PHYH: variants seen among roughly 807,000 people sequenced by gnomAD.
PHYH encodes phytanoyl-CoA dioxygenase, peroxisomal.
Under a neutral mutation model 38.5 loss-of-function variants are expected in PHYH, and 32 were observed. The observed-to-expected ratio is 0.83, with a 90% CI of 0.63 to 1.12. The LOEUF is 1.12. Ranked by LOEUF, PHYH falls within the 50% of genes most tolerant of loss-of-function variation. The pLI, the probability that PHYH is intolerant of heterozygous loss-of-function variation, is 0.00. For synonymous variants in PHYH, 166 were observed against 157.9 expected (o/e 1.05, Z -0.38); for missense variants, 426 against 434.8 (o/e 0.98, Z 0.18).
intron 8 of PHYH, 60 bp from the exon 9 acceptor site, chr10:13,278,414 C>G (rs1835340366): frequency 1.9e-6 from 2 of 1,067,628 alleles, no homozygotes; most frequent in Non-Finnish European, 2.9e-6. Flanking sequence ...CTCCATTAAC[C>G]TTCAATTTCA....
rs541744405 is a variant in PHYH, at chr10:13,288,411, G to C, written c.627C>G (p.Leu209=). 1 of 1,614,114 alleles carries C rather than the reference G, an allele frequency of 6.2e-7. No individual in the cohort carries two copies. The highest frequency in any genetic ancestry group is 1.1e-5 in the South Asian group (1 of 91,072). ...TCAGGGAGCCCTTGTGTGTGCCTGG[G>C]AGCACAACCAGACAGCCGTTGTTCC... ...ISRNNGCLVV[L]PGTHKGSLKP... is the part of the protein sequence containing the mutation. The change falls in exon 6 of 9, where the codon CTC becomes CTG. Residue 209 remains leucine, a synonymous_variant. Coordinates refer to ENST00000263038, the MANE Select transcript of PHYH (RefSeq NM_006214.4).
chr10:13,282,892 C>T (rs1835448050), intron 7 of PHYH, among the ~76,000 whole-genome samples: 1 of 151,952 alleles, frequency 6.6e-6, no homozygotes, highest in Non-Finnish European at 1.5e-5. Flanking sequence ...CCAACTTGTC[C>T]CACCCTAATC....
At chr10:13,299,651 C>T in intron 1 of PHYH, 1 of 1,177,872 alleles carries the variant, frequency 8.5e-7, no homozygotes, top group Non-Finnish European at 1.1e-6. Flanking sequence ...TGGACAGCTG[C>T]CGGGGTCACG....
In PHYH at chr10:13,294,580, T is replaced by C; in HGVS notation, c.262A>G (p.Ile88Val). 1.9e-6 allele frequency: 3 copies of C among 1,613,992 alleles called. No individual in the cohort carries two copies. Among genetic ancestry groups the C allele is most frequent in the Non-Finnish European group, 2.5e-6 (3 of 1,179,924 alleles). The change falls in exon 4 of 9, where the codon ATC becomes GTC. Residue 88 changes from isoleucine (I) to valine (V), a missense_variant. Ile to Val is a conservative substitution (Grantham distance 29). Coordinates refer to ENST00000263038, the MANE Select transcript of PHYH (RefSeq NM_006214.4). The stretch of plus-strand genomic sequence containing the variant: ...AATGGTTTCACCTCCTTTCTGCAGA[T>C]TTTTTCAAACTCATTCCTAGAAAAT... Reference protein sequence around the residue: ...IQRFRNEFEKICRKEVKPLGL... With the variant: ...IQRFRNEFEKVCRKEVKPLGL...
At chr10:13,285,132 T>A (rs148568524) in intron 6 of PHYH, among the ~76,000 whole-genome samples, 1 of 152,320 alleles carries the variant, frequency 6.6e-6, no homozygotes, top group East Asian at 1.9e-4. Flanking sequence ...CACTCACATA[T>A]TTTCATTTGA....
intron 2 of PHYH, among the ~76,000 whole-genome samples, chr10:13,296,885 C>G (rs1161953889): frequency 6.7e-6 from 1 of 149,012 alleles, no homozygotes; most frequent in African/African-American, 2.5e-5. Context: ...ACCCGGGAGG[C>G]GGAGCTTGCA....
intron 1 of PHYH, chr10:13,299,695 G>T: frequency 3.1e-6 from 4 of 1,271,730 alleles, no homozygotes; most frequent in Non-Finnish European, 4.0e-6. Flanking sequence ...CACAAAGAGA[G>T]GAGCAGAGGC....
At chr10:13,279,949 C>A (rs1234743648) in intron 8 of PHYH, among the ~76,000 whole-genome samples, 1 of 152,310 alleles carries the variant, frequency 6.6e-6, no homozygotes, top group East Asian at 1.9e-4. Context: ...TTTCCAGGTT[C>A]TAAAGGGAGA....
intron 5 of PHYH, chr10:13,291,366 TACC>T (rs1178001181): frequency 5.7e-6 from 1 of 176,968 alleles, no homozygotes; most frequent in Admixed American, 5.5e-5. Context: ...CTGAAATAAT[TACC>T]ACATTTCACT....
intron 6 of PHYH, among the ~76,000 whole-genome samples, chr10:13,287,079 G>A (rs1010113878): frequency 1.3e-5 from 2 of 152,130 alleles, no homozygotes; most frequent in Non-Finnish European, 2.9e-5. Flanking sequence ...GGTGGCTCAC[G>A]CCTGTAATCC....
intron 7 of PHYH, among the ~76,000 whole-genome samples, chr10:13,282,184 C>T (rs1312656894): frequency 2.6e-5 from 4 of 152,180 alleles, no homozygotes; most frequent in East Asian, 1.9e-4. Context: ...CTCAGTGTTC[C>T]AAGATGCAGT....
Position 13,298,185 on chromosome 10 carries a change from A to G in PHYH, c.134+2T>C. 1.9e-6 allele frequency: 3 copies of G among 1,583,696 alleles called. No homozygotes were observed. Among genetic ancestry groups the G allele is most frequent in the Non-Finnish European group, 1.7e-6 (2 of 1,152,222 alleles). On this transcript the variant is annotated splice_donor_variant, in intron 2 of 8. Transcript: ENST00000263038. LOFTEE classifies it high-confidence loss of function. The stretch of plus-strand genomic sequence containing the variant: ...TTCAAAATCAAAACTCAAACTACTT[A>G]CTGGAATTGTTGAGGATGGAAACTG...
Position 13,298,236 on chromosome 10 carries a change from G to C in PHYH, c.85C>G (p.Pro29Ala). 6.3e-7 allele frequency: 1 copy of C among 1,598,864 alleles called. No individual in the cohort carries two copies. ...RPSAGAVVAH[P>A]TSGTISSASF... ...GCAGAGGAAATAGTCCCTGAAGTGGGATGAGCTACCTAGGATGTGAATTAA... is the reference window on the plus strand; with the variant it reads ...GCAGAGGAAATAGTCCCTGAAGTGGCATGAGCTACCTAGGATGTGAATTAA... The change falls in exon 2 of 9, where the codon CCC (proline) becomes GCC (alanine). Residue 29 changes from proline (P) to alanine (A), a missense_variant. Physicochemically the swap from Pro to Ala is conservative, Grantham distance 27 (BLOSUM62 -1). Transcript: ENST00000263038.
intron 5 of PHYH, among the ~76,000 whole-genome samples, chr10:13,290,739 C>G (rs1400916259): frequency 1.3e-5 from 2 of 152,094 alleles, no homozygotes; most frequent in African/African-American, 4.8e-5. Flanking sequence ...GGTTATATTT[C>G]TCAATCAGTC....
chr10:13,283,762 C>T lies in PHYH; in HGVS notation c.756G>A (p.Lys252=). ...AAGGATGGAAGAAAACAGTGTCGCC[C>T]TTCTCCATCACCAGGTGCACCCGGG... The part of the protein sequence containing the change: ...NKARVHLVME[K]GDTVFFHPLL... Residue 252 remains lysine (K), a synonymous_variant, in exon 7 of 9, where the codon AAG becomes AAA. Transcript: ENST00000263038. The T allele has an allele frequency of 1.9e-6, 3 of 1,613,996 alleles. No homozygotes were observed. Among genetic ancestry groups the T allele is most frequent in the Non-Finnish European group, 2.5e-6 (3 of 1,179,936 alleles).
rs544786854 is a variant in PHYH at position 13,295,696 on chromosome 10, C to T, written c.135-90G>A. Reference sequence around the variant, plus strand: ...CACACCTCTAATACTAGCACTTTAGCGGGCCGAGGCAAGTGGATCACTTGA... The same window carrying T: ...CACACCTCTAATACTAGCACTTTAGTGGGCCGAGGCAAGTGGATCACTTGA... On this transcript the variant is annotated intron_variant, in intron 2 of 8. Transcript: ENST00000263038. 77 of 715,142 alleles carry T rather than the reference C, an allele frequency of 1.1e-4. 2 individuals carry two copies. Among genetic ancestry groups the T allele is most frequent in the African/African-American group, 3.5e-4 (20 of 57,680 alleles). The allele number at this position is 715,142 out of a possible 1,614,324, so 44.3% of individuals were successfully genotyped here. A position where few individuals can be genotyped will look rare whatever the true frequency, so the allele number is the denominator to read the frequency against.
intron 2 of PHYH, among the ~76,000 whole-genome samples, chr10:13,296,557 C>T (rs1187017140): frequency 8.5e-6 from 1 of 117,852 alleles, no homozygotes; most frequent in Non-Finnish European, 1.7e-5. Context: ...AGCAAGGCTC[C>T]ATCTCAGAAA....
intron 1 of PHYH, among the ~76,000 whole-genome samples, chr10:13,298,955 T>C (rs961628047): frequency 1.8e-5 from 1 of 55,742 alleles, no homozygotes; most frequent in Non-Finnish European, 5.3e-5. Flanking sequence ...ATAATAATAA[T>C]AATAATAATA....
rs1588507588 is a variant in PHYH at position 13,283,535 on chromosome 10, G to A, written c.828+155C>T. Among the ~76,000 whole-genome samples the A allele has an allele frequency of 2.0e-5, 3 of 152,192 alleles. No homozygotes were observed. The South Asian group carries it at 6.2e-4, about 32-fold the overall frequency. On this transcript the variant is annotated intron_variant, in intron 7 of 8. Transcript: ENST00000263038. ...AATATATTTCCTGGTAAATAAACTG[G>A]ACTAAAGTCCAGGTTGGTTAAAAGC...
Sources: gnomAD v4.1 joint callset for allele counts (sites outside exome capture counted in the v4.1 genomes callset) on GRCh38, gnomAD v4.1.1 for gene constraint, MANE v1.5 for transcripts, NCBI Gene and HGNC (gene_info 2026-07-23, HGNC 2026-07-21) for gene names.